The following OPCML variants were observed in gnomAD, a reference collection of about 807,000 sequenced individuals.
OPCML encodes the protein opioid-binding protein/cell adhesion molecule.
In OPCML, 13 loss-of-function variants were observed where a neutral mutation model predicts 37.8. The observed-to-expected ratio is 0.34, with a 90% CI of 0.22 to 0.55. The LOEUF is 0.55. OPCML is among the 20% of genes least tolerant of loss of function. OPCML has a pLI of 0.91. For missense variants in OPCML, 341 were observed against 435.6 expected, an observed-to-expected ratio of 0.78 and a Z score of 1.93; for synonymous variants, 176 against 168.8, an observed-to-expected ratio of 1.04 and a Z score of -0.33.
At chr11:132,870,347 A>G (rs1016792304) in intron 2 of OPCML, among the ~76,000 whole-genome samples, 3 of 152,220 alleles carry the variant, frequency 2.0e-5, no homozygotes, top group African/African-American at 7.2e-5. Context: ...CTATTACAAA[A>G]AGATGAAGGA....
At chr11:133,024,967 A>G (rs1362819851) in intron 1 of OPCML, 4 of 985,304 alleles carry the variant, frequency 4.1e-6, no homozygotes, top group Admixed American at 6.1e-5. Flanking sequence ...GAGCCTATGA[A>G]TCTGCATTTT....
At chr11:132,609,121 T>C (rs772666924) in intron 3 of OPCML, among the ~76,000 whole-genome samples, 5 of 151,998 alleles carry the variant, frequency 3.3e-5, no homozygotes, top group Non-Finnish European at 4.4e-5. Context: ...GTGTTTCTCA[T>C]CGGCTTCTCA....
chr11:132,920,748 G>A (rs1249668086), intron 2 of OPCML, among the ~76,000 whole-genome samples: 1 of 152,206 alleles, frequency 6.6e-6, no homozygotes, highest in Non-Finnish European at 1.5e-5. Context: ...GGATTTATCT[G>A]GTTTTAGAAT....
intron 2 of OPCML, among the ~76,000 whole-genome samples, chr11:132,770,695 C>T (rs1591585751): frequency 6.6e-6 from 1 of 152,248 alleles, no homozygotes; most frequent in East Asian, 1.9e-4. Context: ...TGCCATTCGA[C>T]TCTGTGGCCA....
chr11:132,683,501 T>C (rs1943039435), intron 2 of OPCML, among the ~76,000 whole-genome samples: 4 of 152,238 alleles, frequency 2.6e-5, no homozygotes, highest in Admixed American at 2.6e-4. Flanking sequence ...GACCAAATCC[T>C]GCTACCTATC....
intron 3 of OPCML, among the ~76,000 whole-genome samples, chr11:132,606,393 C>G (rs996226745): frequency 2.0e-5 from 3 of 152,188 alleles, no homozygotes; most frequent in African/African-American, 7.2e-5. Flanking sequence ...CTTCCTTGAC[C>G]TCTGCCCTGC....
intron 1 of OPCML, among the ~76,000 whole-genome samples, chr11:133,367,167 G>A (rs538149108): frequency 6.6e-6 from 1 of 152,194 alleles, no homozygotes; most frequent in Non-Finnish European, 1.5e-5. Context: ...CTAATACAGA[G>A]AGGGTTTCAC....
Position 133,170,481 on chromosome 11 carries a change from G to A in OPCML, c.62-227471C>T, listed in dbSNP as rs569610488. Among the ~76,000 whole-genome samples, 39 of 151,382 alleles carry A rather than the reference G, an allele frequency of 2.6e-4. 1 individual carries two copies. Among genetic ancestry groups the A allele is most frequent in the Admixed American group, 1.3e-3 (20 of 15,220 alleles). On this transcript the variant is annotated intron_variant, in intron 1 of 7. Transcript: ENST00000524381. ...AGCCTGGGCGACAGAGCGAGACTCC[G>A]TCACAAACACACAAACAAAAAAGGA...
In OPCML at chr11:132,418,388, A is replaced by C. The variant is rs2095945918; in HGVS notation, c.*1805T>G. 6.6e-6 allele frequency: 1 copy of C among 152,378 alleles called. No individual in the cohort carries two copies. 9.4% of individuals were successfully genotyped at this position (152,378 alleles called of 1,614,324 possible). On this transcript the variant is annotated 3_prime_UTR_variant, in exon 8 of 8. Coordinates refer to ENST00000524381, the MANE Select transcript of OPCML (RefSeq NM_001012393.5). Reference sequence around the variant, plus strand: ...TCCTTCTCGTCCCAGGAGACAAGACAGCAAAGGTGGCTCAGCTCTTGTTTG... The same window carrying C: ...TCCTTCTCGTCCCAGGAGACAAGACCGCAAAGGTGGCTCAGCTCTTGTTTG...
At chr11:132,864,915 T>C (rs1942464868) in intron 2 of OPCML, among the ~76,000 whole-genome samples, 1 of 152,206 alleles carries the variant, frequency 6.6e-6, no homozygotes, top group Non-Finnish European at 1.5e-5. Flanking sequence ...GAGCCGGAAA[T>C]GCCCTATGAG....
At chr11:132,685,834 G>A (rs1285572489) in intron 2 of OPCML, among the ~76,000 whole-genome samples, 1 of 152,170 alleles carries the variant, frequency 6.6e-6, no homozygotes, top group African/African-American at 2.4e-5. Flanking sequence ...CGAAATGGGA[G>A]GTTTCACTAA....
intron 3 of OPCML, among the ~76,000 whole-genome samples, chr11:132,617,753 T>C (rs1467338187): frequency 6.6e-6 from 1 of 152,252 alleles, no homozygotes; most frequent in Non-Finnish European, 1.5e-5. Context: ...TGTCTTCACA[T>C]GGCCTTTTCT....
intron 1 of OPCML, among the ~76,000 whole-genome samples, chr11:133,238,385 A>G (rs1270568229): frequency 6.6e-6 from 1 of 152,228 alleles, no homozygotes; most frequent in African/African-American, 2.4e-5. Context: ...AGAAAAGACT[A>G]TTTACTGATA....
rs76855675 is a variant in OPCML at position 132,950,383 on chromosome 11, C to T, written c.62-7373G>A. Among the ~76,000 whole-genome samples, 1,479 of 152,118 alleles carry T rather than the reference C, an allele frequency of 9.7e-3. 13 individuals carry two copies. Among genetic ancestry groups the T allele is most frequent in the Non-Finnish European group, 0.016 (1,064 of 67,992 alleles). ...AGATTGGGGATTGAGAAAAAGAGAG[C>T]GATTGAGGAAGATTTGGGTAACTAG... On this transcript the variant is annotated intron_variant, in intron 1 of 7. Coordinates refer to ENST00000524381, the MANE Select transcript of OPCML (RefSeq NM_001012393.5).
At chr11:132,614,156 C>T (rs1039112181) in intron 3 of OPCML, among the ~76,000 whole-genome samples, 3 of 152,046 alleles carry the variant, frequency 2.0e-5, no homozygotes, top group Non-Finnish European at 4.4e-5. Context: ...AAAAGACTCC[C>T]GGTTCCGGTT....
intron 1 of OPCML, among the ~76,000 whole-genome samples, chr11:133,311,053 G>T (rs776696527): frequency 6.6e-6 from 1 of 152,122 alleles, no homozygotes; most frequent in Non-Finnish European, 1.5e-5. Context: ...GTATTACAAA[G>T]CTCCAACTCC....
intron 1 of OPCML, among the ~76,000 whole-genome samples, chr11:133,269,056 T>C (rs1239009727): frequency 6.6e-6 from 1 of 152,192 alleles, no homozygotes; most frequent in African/African-American, 2.4e-5. Context: ...CACCTGTTCA[T>C]AGAGACAATA....
At chr11:132,578,021 A>G (rs2137610280) in intron 3 of OPCML, among the ~76,000 whole-genome samples, 1 of 152,274 alleles carries the variant, frequency 6.6e-6, no homozygotes, top group South Asian at 2.1e-4. Flanking sequence ...TACAAGATAC[A>G]TAGAAAAAAA....
intron 1 of OPCML, among the ~76,000 whole-genome samples, chr11:133,293,109 T>A (rs539401010): frequency 6.6e-6 from 1 of 152,162 alleles, no homozygotes; most frequent in East Asian, 1.9e-4. Context: ...CTGGGAGAAG[T>A]TTTCTATGAC....
Sources: allele counts gnomAD v4.1 joint callset (sites outside exome capture counted in the v4.1 genomes callset), GRCh38; gene constraint gnomAD v4.1.1; transcripts MANE v1.5; gene names NCBI Gene and HGNC (gene_info 2026-07-23, HGNC 2026-07-21).